Variants in PLSCR2 observed in about 807,000 individuals in gnomAD.
PLSCR2 encodes phospholipid scramblase 2.
Under a neutral mutation model 25.3 loss-of-function variants are expected in PLSCR2, and 18 were observed. The ratio of observed to expected loss-of-function variants is 0.71; its 90% CI spans 0.49 to 1.06. The LOEUF (loss-of-function observed/expected upper bound fraction) is 1.06, where lower values mean the gene tolerates loss of function less well. Among genes scored for constraint, PLSCR2 ranks in the 50% least tolerant of loss-of-function variants. The probability of loss-of-function intolerance (pLI) is 0.00; values close to 1 mark genes in which losing one functional copy is unlikely to be tolerated. For synonymous variants in PLSCR2, 88 were observed against 87.3 expected (o/e 1.01, Z -0.04); for missense variants, 243 against 269.5 (o/e 0.90, Z 0.69).
chr3:146,400,823 G>A (rs1395076276), intron 2 of PLSCR2, among the ~76,000 whole-genome samples: 1 of 151,832 alleles, frequency 6.6e-6, no homozygotes, highest in East Asian at 1.9e-4. Context: ...TAGGTAGAAC[G>A]ATGGAAGAGA....
chr3:146,413,342 C>T (rs1419285388), intron 2 of PLSCR2, among the ~76,000 whole-genome samples: 2 of 152,088 alleles, frequency 1.3e-5, no homozygotes, highest in Non-Finnish European at 2.9e-5. Flanking sequence ...CTAAACATAC[C>T]TTTTTACTCT....
chr3:146,413,742 T>G (rs961106646), intron 2 of PLSCR2, among the ~76,000 whole-genome samples: 1 of 152,214 alleles, frequency 6.6e-6, no homozygotes, highest in Admixed American at 6.5e-5. Flanking sequence ...ATCTCAGACT[T>G]CCTTATAGCT....
chr3:146,456,842 G>C (rs893791486), intron 3 of PLSCR2, among the ~76,000 whole-genome samples: 4 of 151,818 alleles, frequency 2.6e-5, no homozygotes, highest in African/African-American at 9.7e-5. Flanking sequence ...ATTAAAAACT[G>C]GTAAATGTGG....
At chr3:146,453,961 A>C in intron 5 of PLSCR2, 41 bp downstream of exon 5, 1 of 1,493,430 alleles carries the variant, frequency 6.7e-7, no homozygotes, top group Non-Finnish European at 8.9e-7. Context: ...ATATTCTTCT[A>C]TTAAAAAAGC....
chr3:146,462,522 G>GC (rs2041652471), upstream of PLSCR2, among the ~76,000 whole-genome samples: 1 of 150,368 alleles, frequency 6.7e-6, no homozygotes, highest in South Asian at 2.1e-4. Flanking sequence ...GGAGTGTAGT[G>GC]TGGCATGATC....
chr3:146,436,514 G>C (rs1010117080), intron 8 of PLSCR2, among the ~76,000 whole-genome samples: 6 of 152,096 alleles, frequency 3.9e-5, no homozygotes, highest in African/African-American at 1.4e-4. Flanking sequence ...GGATTCCCAG[G>C]TATTTTATTC....
upstream of PLSCR2, among the ~76,000 whole-genome samples, chr3:146,463,072 A>G (rs1484627687): frequency 1.3e-5 from 2 of 151,938 alleles, no homozygotes; most frequent in Non-Finnish European, 2.9e-5. Context: ...TTCTGACACT[A>G]CTCTGTTCAT....
In PLSCR2 at chr3:146,476,157, C is replaced by T. The variant is rs898303393; in HGVS notation, c.-292-15873G>A. 5.3e-5 allele frequency among the ~76,000 whole-genome samples: 8 copies of T among 152,018 alleles called. No individual in the cohort carries two copies. In the East Asian group the frequency reaches 5.8e-4, roughly 11 times the overall value. Reference sequence around the variant, plus strand: ...AATCAAAGGCTCCCACCAAGAAGAACGAAGACAGTGTGTGAATCCTGCACT... The same window carrying T: ...AATCAAAGGCTCCCACCAAGAAGAATGAAGACAGTGTGTGAATCCTGCACT... On this transcript the variant is annotated intron_variant, in intron 1 of 8. Transcript: ENST00000336685.
intron 2 of PLSCR2, 88 bp from the exon 3 acceptor site, chr3:146,458,541 T>C (rs2041356527): frequency 3.3e-6 from 3 of 900,452 alleles, no homozygotes; most frequent in Non-Finnish European, 4.6e-6. Flanking sequence ...ATACTGCATA[T>C]AATCAGTTAT....
At chr3:146,469,789 C>G (rs1192984208) in intron 1 of PLSCR2, among the ~76,000 whole-genome samples, 2 of 34,906 alleles carry the variant, frequency 5.7e-5, no homozygotes, top group Non-Finnish European at 1.2e-4. Context: ...CACCCCCCCA[C>G]GCCGTGTGCG....
chr3:146,478,979 A>G (rs1433715399), intron 1 of PLSCR2, among the ~76,000 whole-genome samples: 9 of 152,226 alleles, frequency 5.9e-5, no homozygotes. Context: ...CCAGAATTTC[A>G]TATCCAGCCA....
intron 2 of PLSCR2, among the ~76,000 whole-genome samples, chr3:146,410,364 T>C (rs1288725104): frequency 6.6e-6 from 1 of 152,138 alleles, no homozygotes; most frequent in Non-Finnish European, 1.5e-5. Flanking sequence ...AGCAAGGAAA[T>C]CTGCAGGGTG....
Position 146,420,490 on chromosome 3 carries a change from G to A in PLSCR2, c.101-24569C>T, listed in dbSNP as rs75027967. Among the ~76,000 whole-genome samples the A allele has an allele frequency of 2.8e-3, 421 of 151,876 alleles. 2 individuals are homozygous for A. The highest frequency in any genetic ancestry group is 9.6e-3 in the African/African-American group (400 of 41,456). ...GTGTTTTTAATGTTTGCTAAGTAAC[G>A]CTGTGTTGATTTTTTTAACACTTGT... is the stretch of plus-strand genomic sequence containing the variant. On this transcript the variant is annotated intron_variant and NMD_transcript_variant, in intron 2 of 3. Coordinates refer to the PLSCR2 transcript ENST00000463633.
upstream of PLSCR2, chr3:146,461,973 C>A: frequency 6.5e-6 from 8 of 1,239,150 alleles, no homozygotes; most frequent in Admixed American, 2.7e-5. Context: ...AAAAAAATGA[C>A]AAAGAACAAG....
intron 2 of PLSCR2, among the ~76,000 whole-genome samples, chr3:146,410,338 A>G (rs1311401097): frequency 3.3e-5 from 5 of 152,204 alleles, no homozygotes; most frequent in Admixed American, 6.5e-5. Flanking sequence ...AAAATTACAG[A>G]ATGACAAAAG....
intron 3 of PLSCR2, among the ~76,000 whole-genome samples, chr3:146,392,085 T>C (rs1360117318): frequency 1.3e-5 from 2 of 152,118 alleles, no homozygotes; most frequent in Admixed American, 1.3e-4. Flanking sequence ...AATATCTATT[T>C]ATTACTCTAG....
chr3:146,398,275 A>T (rs1401120671), intron 2 of PLSCR2, among the ~76,000 whole-genome samples: 2 of 151,848 alleles, frequency 1.3e-5, no homozygotes, highest in African/African-American at 4.8e-5. Context: ...AATTTTTAAA[A>T]ATTATTTTGA....
At chr3:146,410,325 AG>A (rs1321853268) in intron 2 of PLSCR2, among the ~76,000 whole-genome samples, 1 of 152,224 alleles carries the variant, frequency 6.6e-6, no homozygotes, top group Non-Finnish European at 1.5e-5. Context: ...TTAAGGGCAC[AG>A]GAAAATTACA....
chr3:146,478,257 TA>T (rs1267276334), intron 1 of PLSCR2, among the ~76,000 whole-genome samples: 4 of 152,098 alleles, frequency 2.6e-5, no homozygotes, highest in Admixed American at 2.6e-4. Context: ...ATGACAGAAA[TA>T]GGCTTCAGAA....
Sources: allele counts gnomAD v4.1 joint callset (sites outside exome capture counted in the v4.1 genomes callset), GRCh38; gene constraint gnomAD v4.1.1; transcripts MANE v1.5; gene names NCBI Gene and HGNC (gene_info 2026-07-23, HGNC 2026-07-21).